Variants in WDR7 observed in about 807,000 individuals in gnomAD.
The protein encoded by WDR7 is WD repeat domain 7.
In WDR7, 46 loss-of-function variants were observed where a neutral mutation model predicts 169.4. The ratio of observed to expected loss-of-function variants is 0.27; its 90% CI spans 0.21 to 0.35. The LOEUF (loss-of-function observed/expected upper bound fraction) is 0.35, where lower values mean the gene tolerates loss of function less well. Ranked by LOEUF, WDR7 falls within the 10% of genes least tolerant of loss-of-function variation. WDR7 has a pLI of 1.00. For synonymous variants in WDR7, 612 were observed against 666.8 expected (o/e 0.92, Z 1.27); for missense variants, 1,534 against 1,859.3 (o/e 0.83, Z 3.22).
intron 25 of WDR7, among the ~76,000 whole-genome samples, chr18:56,940,094 A>G (rs1209868914): frequency 2.6e-5 from 4 of 152,148 alleles, no homozygotes; most frequent in Non-Finnish European, 5.9e-5. Flanking sequence ...AAAAAGGTTT[A>G]ATCTCCATGC....
At chr18:56,727,768 T>C (rs2026492489) in intron 13 of WDR7, among the ~76,000 whole-genome samples, 1 of 152,182 alleles carries the variant, frequency 6.6e-6, no homozygotes, top group Non-Finnish European at 1.5e-5. Context: ...ATTGTCTTCT[T>C]ATGTGCAAAT....
At chr18:56,870,600 TA>T (rs556820993) in intron 20 of WDR7, among the ~76,000 whole-genome samples, 30 of 152,182 alleles carry the variant, frequency 2.0e-4, no homozygotes, top group Non-Finnish European at 2.9e-4. Context: ...CAATGATAAT[TA>T]AAAAGATAGA....
At chr18:56,762,404 G>T (rs118095232) in intron 16 of WDR7, among the ~76,000 whole-genome samples, 2 of 151,928 alleles carry the variant, frequency 1.3e-5, no homozygotes, top group Non-Finnish European at 2.9e-5. Context: ...GCTGGATTTA[G>T]ATCTAGAGTT....
chr18:56,658,724 T>C (rs1270666553), intron 1 of WDR7, among the ~76,000 whole-genome samples: 1 of 152,182 alleles, frequency 6.6e-6, no homozygotes, highest in African/African-American at 2.4e-5. Flanking sequence ...TTACTTACTT[T>C]TTTTTAACGA....
chr18:56,780,809 T>A (rs1411497448), intron 18 of WDR7, among the ~76,000 whole-genome samples: 1 of 152,218 alleles, frequency 6.6e-6, no homozygotes, highest in African/African-American at 2.4e-5. Flanking sequence ...CAGAAAAAGT[T>A]AATAAATTGG....
intron 27 of WDR7, among the ~76,000 whole-genome samples, chr18:57,021,319 G>A (rs1269701036): frequency 6.6e-6 from 1 of 152,160 alleles, no homozygotes; most frequent in Admixed American, 6.5e-5. Flanking sequence ...GAGAGGAATC[G>A]GGCAGGAGAA....
chr18:56,925,432 T>A (rs1190204865), intron 22 of WDR7, among the ~76,000 whole-genome samples: 1 of 152,222 alleles, frequency 6.6e-6, no homozygotes, highest in East Asian at 1.9e-4. Flanking sequence ...CTCTCTTTTT[T>A]ATTTTTTTAG....
downstream of WDR7, chr18:57,032,836 T>TATATATAC (rs2048449882): frequency 1.1e-5 from 1 of 92,376 alleles, no homozygotes; most frequent in African/African-American, 4.6e-5. Context: ...TATATATATA[T>TATATATAC]ATATATATAC....
At chr18:57,003,181 A>G (rs904933873) in intron 26 of WDR7, among the ~76,000 whole-genome samples, 2 of 151,994 alleles carry the variant, frequency 1.3e-5, no homozygotes, top group Admixed American at 6.6e-5. Flanking sequence ...AAACTTAAAC[A>G]TGGATGAACT....
chr18:56,791,386 A>G (rs1294197412), intron 19 of WDR7, among the ~76,000 whole-genome samples: 1 of 152,196 alleles, frequency 6.6e-6, no homozygotes, highest in East Asian at 1.9e-4. Context: ...TTATAGATAC[A>G]AAGATGTAAA....
intron 19 of WDR7, among the ~76,000 whole-genome samples, chr18:56,794,284 T>C (rs904637701): frequency 7.2e-6 from 1 of 138,956 alleles, no homozygotes; most frequent in Non-Finnish European, 1.6e-5. Context: ...TAAATGTTTG[T>C]GTCTTAAAAG....
chr18:56,915,488 A>T (rs2046612062), intron 21 of WDR7, among the ~76,000 whole-genome samples: 1 of 152,196 alleles, frequency 6.6e-6, no homozygotes, highest in African/African-American at 2.4e-5. Flanking sequence ...CTACTAATTA[A>T]AGTATTTTTA....
chr18:56,974,792 G>T (rs1235568066), intron 26 of WDR7, among the ~76,000 whole-genome samples: 1 of 152,174 alleles, frequency 6.6e-6, no homozygotes, highest in African/African-American at 2.4e-5. Context: ...GACTACCTGG[G>T]TGGGCAAGGT....
chr18:56,966,255 A>C (rs1298179151), intron 26 of WDR7, among the ~76,000 whole-genome samples: 6 of 151,882 alleles, frequency 4.0e-5, no homozygotes, highest in Non-Finnish European at 8.8e-5. Flanking sequence ...CTATACGTGG[A>C]TTTTTTTCAA....
At chr18:56,970,707 C>T (rs907168636) in intron 26 of WDR7, among the ~76,000 whole-genome samples, 4 of 152,134 alleles carry the variant, frequency 2.6e-5, no homozygotes, top group African/African-American at 7.2e-5. Flanking sequence ...GTTCACTCTC[C>T]GTGTTGTGCA....
rs2044161789 is a variant in WDR7 at position 56,771,644 on chromosome 18, G to T, written c.2849-5138G>T. ...TGCCTGTAATCCTGGCACTTTGGGA[G>T]ATTGAGGTGGGCAGATCACCTGAGG... On this transcript the variant is annotated intron_variant, in intron 16 of 27. Coordinates refer to ENST00000254442, the MANE Select transcript of WDR7 (RefSeq NM_015285.3). Among the ~76,000 whole-genome samples the T allele has an allele frequency of 2.7e-5, 4 of 149,854 alleles. No individual in the cohort carries two copies. The South Asian group carries it at 8.4e-4, about 32-fold the overall frequency.
At chr18:56,945,907 A>T (rs2047096386) in intron 25 of WDR7, among the ~76,000 whole-genome samples, 1 of 152,206 alleles carries the variant, frequency 6.6e-6, no homozygotes. Flanking sequence ...ATGTTTATTC[A>T]TTTATATATT....
In WDR7 at chr18:56,731,831, G is replaced by A. The variant is rs1354569176; in HGVS notation, c.1989+234G>A. On this transcript the variant is annotated intron_variant, in intron 14 of 27. Coordinates refer to ENST00000254442, the MANE Select transcript of WDR7 (RefSeq NM_015285.3). The stretch of plus-strand genomic sequence containing the variant: ...TTTTAAATTCTTCCGACTGAATTAA[G>A]TGACTTTAGTTTCTGAAATTAGGGC... Among the ~76,000 whole-genome samples the A allele has an allele frequency of 2.0e-5, 3 of 152,162 alleles. No individual in the cohort carries two copies. In the East Asian group the frequency reaches 5.8e-4, roughly 29 times the overall value.
At chr18:56,828,447 C>T (rs968665269) in intron 20 of WDR7, among the ~76,000 whole-genome samples, 1 of 152,116 alleles carries the variant, frequency 6.6e-6, no homozygotes, top group Non-Finnish European at 1.5e-5. Context: ...TGGAGACAAG[C>T]TTTCCGAATG....
Sources: allele counts gnomAD v4.1 joint callset (sites outside exome capture counted in the v4.1 genomes callset), GRCh38; gene constraint gnomAD v4.1.1; transcripts MANE v1.5; gene names NCBI Gene and HGNC (gene_info 2026-07-23, HGNC 2026-07-21).